The following CFAP206 variants were observed in gnomAD, a reference collection of about 807,000 sequenced individuals.
CFAP206 encodes cilia and flagella associated protein 206.
A neutral mutation model predicts 65.4 loss-of-function variants in CFAP206; 53 were observed. The ratio of observed to expected loss-of-function variants is 0.81; its 90% CI spans 0.65 to 1.02. CFAP206 has a LOEUF of 1.02. Ranked by LOEUF, CFAP206 falls within the 50% of genes least tolerant of loss-of-function variation. CFAP206 has a pLI of 0.00. For missense variants in CFAP206, 663 were observed against 753.2 expected (o/e 0.88, Z 1.40); for synonymous variants, 250 against 254.4 (o/e 0.98, Z 0.17).
chr6:87,454,635 G>A (rs1202710190), intron 11 of CFAP206, among the ~76,000 whole-genome samples: 1 of 151,896 alleles, frequency 6.6e-6, no homozygotes, highest in Non-Finnish European at 1.5e-5. Flanking sequence ...CATGAGGTCA[G>A]GAGTTTGAGA....
At chr6:87,448,201 C>T (rs1038766705) in intron 11 of CFAP206, among the ~76,000 whole-genome samples, 13 of 151,914 alleles carry the variant, frequency 8.6e-5, no homozygotes, top group African/African-American at 2.4e-4. Context: ...TGAGATCATG[C>T]GATGTTTGGT....
At chr6:87,418,473 G>C in intron 7 of CFAP206, 57 bp downstream of exon 7, 1 of 1,424,678 alleles carries the variant, frequency 7.0e-7, no homozygotes, top group East Asian at 2.3e-5. Flanking sequence ...CTTTATATAA[G>C]GCCACATCAG....
rs1204101363 is a variant in CFAP206, at chr6:87,408,011, C to T, written c.-84C>T. ...GTTACGCGGCGGTGGCTGCGAGCGC[C>T]CAACTGCTCCGACCGTCGCGGTGAG... On this transcript the variant is annotated 5_prime_UTR_variant, in exon 1 of 13. Transcript: ENST00000369562. The T allele has an allele frequency of 4.1e-6, 4 of 985,476 alleles. No homozygotes were observed. Among genetic ancestry groups the T allele is most frequent in the Non-Finnish European group, 4.8e-6 (4 of 830,098 alleles). The allele number at this position is 985,476 out of a possible 1,614,324, so 61.0% of individuals were successfully genotyped here. A position where few individuals can be genotyped will look rare whatever the true frequency, so the allele number is the denominator to read the frequency against.
intron 11 of CFAP206, chr6:87,444,603 T>C (rs1211925494): frequency 3.2e-6 from 1 of 311,316 alleles, no homozygotes; most frequent in Non-Finnish European, 6.2e-6. Context: ...CATTCCTTCA[T>C]GAACATTAAC....
intron 10 of CFAP206, 37 bp from the exon 11 acceptor site, chr6:87,434,823 C>A: frequency 9.0e-7 from 1 of 1,110,942 alleles, no homozygotes. Flanking sequence ...CATAAGTGAT[C>A]AAGACATTTC....
chr6:87,410,786 T>C, intron 3 of CFAP206, 118 bp downstream of exon 3: 1 of 762,040 alleles, frequency 1.3e-6, no homozygotes, highest in Non-Finnish European at 2.2e-6. Flanking sequence ...AATAGTAGTA[T>C]ACACGAGATA....
chr6:87,414,956 C>G (rs1016915397), intron 4 of CFAP206, among the ~76,000 whole-genome samples: 2 of 151,998 alleles, frequency 1.3e-5, no homozygotes, highest in Non-Finnish European at 2.9e-5. Flanking sequence ...GGTTTTGTGG[C>G]AAGGGTATAG....
rs1767668612 is a variant in CFAP206, at chr6:87,408,504, ATCCGG to A, written c.-6+416_-6+420del. 5 of 71,616 alleles carry A rather than the reference ATCCGG, an allele frequency of 7.0e-5. 1 individual carries two copies. Among genetic ancestry groups the A allele is most frequent in the Non-Finnish European group, 1.5e-4 (5 of 33,694 alleles). 4.4% of individuals were successfully genotyped at this position (71,616 alleles called of 1,614,324 possible). A position where few individuals can be genotyped will look rare whatever the true frequency, so the allele number is the denominator to read the frequency against. On this transcript the variant is annotated intron_variant, in intron 1 of 12. Coordinates refer to ENST00000369562, the MANE Select transcript of CFAP206 (RefSeq NM_001031743.3). ...ACACAGATCCGGAGCGCGCACACAG[ATCCGG>A]AGCGCGCACACAGATCCGGAGCGCG...
rs755228173 is a variant in CFAP206 at position 87,410,634 on chromosome 6, C to A, written c.158C>A (p.Thr53Asn). The A allele has an allele frequency of 5.6e-6, 9 of 1,613,838 alleles. No individual in the cohort carries two copies. Among genetic ancestry groups the A allele is most frequent in the Non-Finnish European group, 7.6e-6 (9 of 1,179,954 alleles). Residue 53 changes from threonine (T) to asparagine (N), a missense_variant, in exon 3 of 13, where the codon ACC (threonine) becomes AAC (asparagine). By Grantham distance (65) the Thr-to-Asn change is moderately conservative. Coordinates refer to ENST00000369562, the MANE Select transcript of CFAP206 (RefSeq NM_001031743.3). ...AGTAATGGCTTTAACATGGATAGAA[C>A]CCTCATGAAAAGTGATGTGCAGAAT... ...DPSNGFNMDR[T>N]LMKSDVQNLV... is the part of the protein sequence containing the mutation.
chr6:87,422,267 G>A (rs549303876), intron 7 of CFAP206, among the ~76,000 whole-genome samples: 2 of 150,924 alleles, frequency 1.3e-5, no homozygotes, highest in African/African-American at 4.9e-5. Context: ...TGGCTAACAT[G>A]GTGAAACCCC....
Position 87,431,176 on chromosome 6 carries a change from A to T in CFAP206, c.1300+3A>T. 1 of 1,611,858 alleles carries T rather than the reference A, an allele frequency of 6.2e-7. No homozygotes were observed. The highest frequency in any genetic ancestry group is 8.5e-7 in the Non-Finnish European group (1 of 1,178,834). ...AACAGATGGTCTTCTCCTTCCAGGT[A>T]TATCATTGGAAATGAGACTGCTCTC... On this transcript the variant is annotated splice_donor_region_variant and intron_variant, in intron 10 of 12. Coordinates refer to ENST00000369562, the MANE Select transcript of CFAP206 (RefSeq NM_001031743.3).
intron 2 of CFAP206, 125 bp from the exon 3 acceptor site, chr6:87,410,456 GAAAA>G: frequency 1.3e-6 from 1 of 746,948 alleles, no homozygotes; most frequent in South Asian, 1.6e-5. Flanking sequence ...AGAATAGTTG[GAAAA>G]CCAACCCCAA....
chr6:87,418,449 A>G (rs368204965), intron 7 of CFAP206, 33 bp downstream of exon 7: 177 of 1,572,890 alleles, frequency 1.1e-4, no homozygotes, highest in African/African-American at 1.5e-4. Flanking sequence ...GACCTTTTCT[A>G]TATAATGCAA....
At chr6:87,444,933 C>T in intron 11 of CFAP206, 1 of 531,910 alleles carries the variant, frequency 1.9e-6, no homozygotes, top group South Asian at 1.4e-5. Flanking sequence ...TGGGCTGAAT[C>T]AGGATTTATT....
intron 7 of CFAP206, among the ~76,000 whole-genome samples, chr6:87,420,098 T>TA (rs1767913931): frequency 6.6e-6 from 1 of 152,026 alleles, no homozygotes; most frequent in South Asian, 2.1e-4. Flanking sequence ...AATAAATAAA[T>TA]AATAATAAAA....
rs559068112 is a variant in CFAP206, at chr6:87,460,055, CATAAG to C, written c.1495-962_1495-958del. Among the ~76,000 whole-genome samples, 5 of 152,270 alleles carry C rather than the reference CATAAG, an allele frequency of 3.3e-5. No homozygotes were observed. The South Asian group carries it at 1.0e-3, about 32-fold the overall frequency. On this transcript the variant is annotated intron_variant, in intron 11 of 12. Coordinates refer to ENST00000369562, the MANE Select transcript of CFAP206 (RefSeq NM_001031743.3). ...ATTTTTAAAATCTACCTAAATATAT[CATAAG>C]ATAATTTTATAGTCAGAAATTATAT... is the stretch of plus-strand genomic sequence containing the variant.
rs368228971 is a variant in CFAP206 at position 87,413,933 on chromosome 6, A to G, written c.283+33A>G. The stretch of plus-strand genomic sequence containing the variant: ...ATACTACCTATTTTTATACTTAAAA[A>G]ATTTCATACTGTGTTTCAGCTAAGA... On this transcript the variant is annotated intron_variant, in intron 4 of 12. Coordinates refer to ENST00000369562, the MANE Select transcript of CFAP206 (RefSeq NM_001031743.3). 5 of 1,103,920 alleles carry G rather than the reference A, an allele frequency of 4.5e-6. No individual in the cohort carries two copies. The East Asian group carries it at 8.6e-5, about 19-fold the overall frequency. 68.4% of individuals were successfully genotyped at this position (1,103,920 alleles called of 1,614,324 possible). A position where few individuals can be genotyped will look rare whatever the true frequency, so the allele number is the denominator to read the frequency against.
intron 7 of CFAP206, among the ~76,000 whole-genome samples, chr6:87,424,128 G>A (rs1013699027): frequency 1.3e-5 from 2 of 152,164 alleles, no homozygotes; most frequent in South Asian, 4.2e-4. Context: ...GATGGTTTGG[G>A]ATCCACCAAG....
At chr6:87,449,946 T>A (rs1384625850) in intron 11 of CFAP206, among the ~76,000 whole-genome samples, 3 of 152,206 alleles carry the variant, frequency 2.0e-5, no homozygotes, top group Non-Finnish European at 4.4e-5. Context: ...TCCAGTAGTT[T>A]CATAATTTTG....
Sources: allele counts gnomAD v4.1 joint callset (sites outside exome capture counted in the v4.1 genomes callset), GRCh38; gene constraint gnomAD v4.1.1; transcripts MANE v1.5; gene names NCBI Gene and HGNC (gene_info 2026-07-23, HGNC 2026-07-21).